LEMD2: variants seen among roughly 807,000 people sequenced by gnomAD.
The protein encoded by LEMD2 is LEM domain-containing protein 2.
A neutral mutation model predicts 58.8 loss-of-function variants in LEMD2; 34 were observed. The ratio of observed to expected loss-of-function variants is 0.58; its 90% CI spans 0.44 to 0.77. LEMD2 has a LOEUF of 0.77. LEMD2 is among the 30% of genes least tolerant of loss of function. LEMD2 has a pLI of 0.00. For synonymous variants in LEMD2, 298 were observed against 308.9 expected (o/e 0.96, Z 0.37); for missense variants, 629 against 717.9 (o/e 0.88, Z 1.42).
At position 33,781,145 on chromosome 6, in the gene LEMD2, C is replaced by A; in HGVS notation, c.862G>T (p.Glu288Ter). 1 of 1,601,900 alleles carries A rather than the reference C, an allele frequency of 6.2e-7. No individual in the cohort carries two copies. The highest frequency in any genetic ancestry group is 8.5e-7 in the Non-Finnish European group (1 of 1,172,142). Reference protein sequence around the residue: ...NFLAIQAGNFECGNPENLKSK... With the variant: ...NFLAIQAGNF Reference sequence around the variant, plus strand: ...TTTAGATTCTCTGGATTTCCACACTCAAAATTACCTAGGAGAAAAAAAACC... The same window carrying A: ...TTTAGATTCTCTGGATTTCCACACTAAAAATTACCTAGGAGAAAAAAAACC... Residue 288 changes from glutamate (E) to a stop codon, truncating the protein, a stop_gained, in exon 4 of 9, where the codon GAG becomes TAG. Coordinates refer to ENST00000293760, the MANE Select transcript of LEMD2 (RefSeq NM_181336.4). LOFTEE classifies it high-confidence loss of function.
At position 33,772,665 on chromosome 6, in the gene LEMD2, C is replaced by G. The variant is rs1267289968; in HGVS notation, c.1475G>C (p.Trp492Ser). Residue 492 changes from tryptophan to serine, a missense_variant, in exon 9 of 9, where the codon TGG (tryptophan) becomes TCG (serine). Trp to Ser is a radical substitution (Grantham distance 177, BLOSUM62 -3). This residue lies in a region of LEMD2 where 243 missense variants were observed against 336.8 expected (regional missense o/e 0.72). Coordinates refer to ENST00000293760, the MANE Select transcript of LEMD2 (RefSeq NM_181336.4). ...GTCAGAGAAGGAAGAGGGCTTAGTC[C>G]ATCTCCACACCAGCATGTCCTCTCC... ...VAGEDMLVWR[W>S]TKPSSFSDSE... 1.9e-6 allele frequency: 3 copies of G among 1,614,058 alleles called. No individual in the cohort carries two copies. Among genetic ancestry groups the G allele is most frequent in the Non-Finnish European group, 2.5e-6 (3 of 1,180,016 alleles).
intron 2 of LEMD2, 120 bp downstream of exon 2, chr6:33,786,614 G>T: frequency 1.4e-6 from 1 of 732,068 alleles, no homozygotes; most frequent in East Asian, 2.6e-5. Flanking sequence ...ATGTGACTCT[G>T]GTACATTACA....
At chr6:33,788,275 A>C (rs1467060208) in intron 1 of LEMD2, 106 bp downstream of exon 1, 2 of 1,178,816 alleles carry the variant, frequency 1.7e-6, no homozygotes, top group Admixed American at 5.5e-5. Flanking sequence ...AGTCAGAGGC[A>C]GCTGACAAGG....
At chr6:33,786,208 G>A (rs1017743983) in intron 2 of LEMD2, among the ~76,000 whole-genome samples, 4 of 149,274 alleles carry the variant, frequency 2.7e-5, no homozygotes, top group Non-Finnish European at 4.5e-5. Context: ...GGGGCTGCTC[G>A]CCATATTAGA....
chr6:33,777,202 T>C lies in LEMD2; in HGVS notation c.1194A>G (p.Lys398=), dbSNP rs1184322393. Residue 398 remains lysine (K), a synonymous_variant, in exon 7 of 9, where the codon AAA becomes AAG. Coordinates refer to ENST00000293760, the MANE Select transcript of LEMD2 (RefSeq NM_181336.4). ...AFLWGLLILL[K]YRWRKLEEEE... is the part of the protein sequence containing the mutation. ...CCTCTTCTAACTTTCGCCACCGATA[T>C]TTTAGGAGAATTAGGAGCCCCCACA... 2 of 1,614,104 alleles carry C rather than the reference T, an allele frequency of 1.2e-6. No homozygotes were observed. The highest frequency in any genetic ancestry group is 1.7e-6 in the Non-Finnish European group (2 of 1,179,988).
At chr6:33,779,855 G>C (rs1223359408) in intron 5 of LEMD2, 2 of 448,574 alleles carry the variant, frequency 4.5e-6, no homozygotes. Context: ...GATTTAGCTG[G>C]AACACCAGGC....
At chr6:33,785,488 GGAGCCT>G (rs1459503687) in intron 2 of LEMD2, among the ~76,000 whole-genome samples, 1 of 152,212 alleles carries the variant, frequency 6.6e-6, no homozygotes, top group East Asian at 1.9e-4. Flanking sequence ...TCACTCAAGT[GGAGCCT>G]GAGTGTGTCC....
chr6:33,776,973 A>C lies in LEMD2; in HGVS notation c.1342T>G (p.Leu448Val). The C allele has an allele frequency of 6.2e-7, 1 of 1,613,800 alleles. No homozygotes were observed. The highest frequency in any genetic ancestry group is 8.5e-7 in the Non-Finnish European group (1 of 1,180,004). The change falls in exon 8 of 9, where the codon TTG becomes GTG. Residue 448 changes from leucine to valine, a missense_variant. Leu to Val is a conservative substitution (Grantham distance 32). This residue lies in a region of LEMD2 where 243 missense variants were observed against 336.8 expected (regional missense o/e 0.72). Coordinates refer to ENST00000293760, the MANE Select transcript of LEMD2 (RefSeq NM_181336.4). The stretch of plus-strand genomic sequence containing the variant: ...ACTCACCGGCTCTGTGGAGGGATCA[A>C]GCTGTCGCGCACGTGCAGGATGCCT... ...YVGILHVRDS[L>V]IPPQSRRRMK...
At chr6:33,774,460 C>T (rs1167386721) in intron 8 of LEMD2, among the ~76,000 whole-genome samples, 3 of 147,154 alleles carry the variant, frequency 2.0e-5, no homozygotes, top group African/African-American at 7.6e-5. Flanking sequence ...GACAGGGTCT[C>T]GCTCTGTCAC....
At position 33,772,638 on chromosome 6, in the gene LEMD2, G is replaced by A. The variant is rs1233730049; in HGVS notation, c.1502C>T (p.Ser501Leu). Reference sequence around the variant, plus strand: ...GTCCCCGCCCGGGGCTTATCGCTCTGAGTCAGAGAAGGAAGAGGGCTTAGT... The same window carrying A: ...GTCCCCGCCCGGGGCTTATCGCTCTAAGTCAGAGAAGGAAGAGGGCTTAGT... ...RWTKPSSFSD[S>L]ER The change falls in exon 9 of 9, where the codon TCA becomes TTA. Residue 501 changes from serine (S) to leucine (L), a missense_variant. Physicochemically the swap from Ser to Leu is moderately radical, Grantham distance 145. This residue lies in a region of LEMD2 where 243 missense variants were observed against 336.8 expected (regional missense o/e 0.72). Coordinates refer to ENST00000293760, the MANE Select transcript of LEMD2 (RefSeq NM_181336.4). 1 of 1,613,772 alleles carries A rather than the reference G, an allele frequency of 6.2e-7. No individual in the cohort carries two copies. The highest frequency in any genetic ancestry group is 1.7e-5 in the Admixed American group (1 of 60,000).
At chr6:33,788,236 G>T in intron 1 of LEMD2, 145 bp downstream of exon 1, 1 of 861,306 alleles carries the variant, frequency 1.2e-6, no homozygotes, top group Non-Finnish European at 1.7e-6. Context: ...CCCACAGCTG[G>T]AAGAAGGCAG....
chr6:33,779,925 C>A (rs1029190420), intron 5 of LEMD2, 175 bp downstream of exon 5: 7 of 599,542 alleles, frequency 1.2e-5, no homozygotes, highest in African/African-American at 1.9e-5. Context: ...CACTGCATTC[C>A]AAATGCTTCT....
Position 33,789,074 on chromosome 6 carries a change from C to A in LEMD2, c.43G>T (p.Ala15Ser). The A allele has an allele frequency of 6.5e-7, 1 of 1,543,336 alleles. No individual in the cohort carries two copies. The highest frequency in any genetic ancestry group is 8.7e-7 in the Non-Finnish European group (1 of 1,154,616). ...SDLELRRELQ[A>S]LGFQPGPITD... is the part of the protein sequence containing the mutation. ...ATGGGTCCTGGCTGGAAGCCCAGGG[C>A]CTGCAGCTCCCGCCGCAGTTCCAGG... is the stretch of plus-strand genomic sequence containing the variant. The change falls in exon 1 of 9, where the codon GCC becomes TCC. Residue 15 changes from alanine to serine, a missense_variant. By Grantham distance (99) the Ala-to-Ser change is moderately conservative. This residue lies in a region of LEMD2 where 386 missense variants were observed against 381.1 expected (regional missense o/e 1.01). Coordinates refer to ENST00000293760, the MANE Select transcript of LEMD2 (RefSeq NM_181336.4).
In LEMD2 at chr6:33,772,077, G is replaced by T. The variant is rs970520113; in HGVS notation, c.*551C>A. 1 of 153,032 alleles carries T rather than the reference G, an allele frequency of 6.5e-6. No individual in the cohort carries two copies. The highest frequency in any genetic ancestry group is 1.5e-5 in the Non-Finnish European group (1 of 68,428). 9.5% of individuals were successfully genotyped at this position (153,032 alleles called of 1,614,324 possible). On this transcript the variant is annotated 3_prime_UTR_variant, in exon 9 of 9. Coordinates refer to ENST00000293760, the MANE Select transcript of LEMD2 (RefSeq NM_181336.4). ...GTGTCTGGGCCTGGTGTTTCTAGAC[G>T]GTCCCCCCTACAGTCACTTGTTCTA... is the stretch of plus-strand genomic sequence containing the variant.
chr6:33,787,039 C>G lies in LEMD2; in HGVS notation c.737-265G>C, dbSNP rs1767693134. The G allele has an allele frequency of 6.7e-6, 4 of 597,290 alleles. No individual in the cohort carries two copies. The South Asian group carries it at 1.0e-4, about 15-fold the overall frequency. 37.0% of individuals were successfully genotyped at this position (597,290 alleles called of 1,614,324 possible). On this transcript the variant is annotated intron_variant, in intron 1 of 8. Coordinates refer to ENST00000293760, the MANE Select transcript of LEMD2 (RefSeq NM_181336.4). Reference sequence around the variant, plus strand: ...AAGTTTCTTGGGCAACTCAACCACTCTGAACCTCTGTCTCCTCGTCTGTAA... The same window carrying G: ...AAGTTTCTTGGGCAACTCAACCACTGTGAACCTCTGTCTCCTCGTCTGTAA...
intron 4 of LEMD2, 130 bp from the exon 5 acceptor site, chr6:33,780,309 ACAG>A (rs1227956226): frequency 1.3e-6 from 1 of 795,252 alleles, no homozygotes; most frequent in East Asian, 2.7e-5. Flanking sequence ...TGCTAAAAGC[ACAG>A]CAAAGTGGCA....
rs186300919 is a variant in LEMD2, at chr6:33,774,258, G to A, written c.1362-1480C>T. On this transcript the variant is annotated intron_variant, in intron 8 of 8. Coordinates refer to ENST00000293760, the MANE Select transcript of LEMD2 (RefSeq NM_181336.4). Reference sequence around the variant, plus strand: ...GTGATCTCAGCTCACTGCAACTTCCGCCTCCCGGGTTCAAGTGATTCTCCT... The same window carrying A: ...GTGATCTCAGCTCACTGCAACTTCCACCTCCCGGGTTCAAGTGATTCTCCT... 6.0e-3 allele frequency among the ~76,000 whole-genome samples: 840 copies of A among 139,396 alleles called. 10 individuals carry two copies. The highest frequency in any genetic ancestry group is 0.021 in the African/African-American group (791 of 37,226). The allele number at this position is 139,396 out of a possible 152,430, so 91.4% of individuals were successfully genotyped here. A position where few individuals can be genotyped will look rare whatever the true frequency, so the allele number is the denominator to read the frequency against.
At chr6:33,775,398 G>A (rs537723186) in intron 8 of LEMD2, among the ~76,000 whole-genome samples, 4 of 152,134 alleles carry the variant, frequency 2.6e-5, no homozygotes, top group Admixed American at 2.0e-4. Context: ...GCTCACTGTT[G>A]CCTCGACCTC....
Position 33,788,725 on chromosome 6 carries a change from C to T in LEMD2, c.392G>A (p.Arg131His). ...GGAGCTGCCCCGGACCGAGGCGCGG[C>T]GCCTGAGTTGCGCCGGGCGGGCAGG... ...AYPARPAQLR[R>H]RASVRGSSEE... The change falls in exon 1 of 9, where the codon CGC (arginine) becomes CAC (histidine). Residue 131 changes from arginine to histidine, a missense_variant. Physicochemically the swap from Arg to His is conservative, Grantham distance 29 (BLOSUM62 0). This residue lies in a region of LEMD2 where 386 missense variants were observed against 381.1 expected (regional missense o/e 1.01). Transcript: ENST00000293760. 1 of 1,425,136 alleles carries T rather than the reference C, an allele frequency of 7.0e-7. No homozygotes were observed. Among genetic ancestry groups the T allele is most frequent in the Non-Finnish European group, 9.2e-7 (1 of 1,090,288 alleles). 88.3% of individuals were successfully genotyped at this position (1,425,136 alleles called of 1,614,324 possible). A position where few individuals can be genotyped will look rare whatever the true frequency, so the allele number is the denominator to read the frequency against.
Sources: allele counts gnomAD v4.1 joint callset (sites outside exome capture counted in the v4.1 genomes callset), GRCh38; gene constraint gnomAD v4.1.1; regional missense constraint gnomAD v4.1.1; transcripts MANE v1.5; gene names NCBI Gene and HGNC (gene_info 2026-07-23, HGNC 2026-07-21).